RUFY2: variants seen among roughly 807,000 people sequenced by gnomAD.
RUFY2 encodes the protein RUN and FYVE domain containing 2.
A neutral mutation model predicts 94.4 loss-of-function variants in RUFY2; 49 were observed. That is an observed-to-expected ratio of 0.52 (90% CI 0.41 to 0.66). The LOEUF is 0.66. RUFY2 is among the 30% of genes least tolerant of loss of function. The pLI, the probability that RUFY2 is intolerant of heterozygous loss-of-function variation, is 0.00. For synonymous variants in RUFY2, 255 were observed against 235.7 expected, an observed-to-expected ratio of 1.08 and a Z score of -0.75; for missense variants, 541 against 692.8, an observed-to-expected ratio of 0.78 and a Z score of 2.46.
chr10:68,373,726 G>A (rs1171201109), intron 13 of RUFY2, among the ~76,000 whole-genome samples: 3 of 152,080 alleles, frequency 2.0e-5, no homozygotes, highest in Non-Finnish European at 4.4e-5. Flanking sequence ...GAGCTATAAT[G>A]GCACCACTAT....
chr10:68,351,393 C>A (rs1481310151), intron 16 of RUFY2, among the ~76,000 whole-genome samples: 2 of 151,472 alleles, frequency 1.3e-5, no homozygotes, highest in African/African-American at 4.9e-5. Flanking sequence ...GCCTTGGCCT[C>A]CCAAAGTGCT....
intron 15 of RUFY2, 61 bp downstream of exon 15, chr10:68,363,529 A>T (rs1203505589): frequency 1.9e-5 from 21 of 1,101,968 alleles, no homozygotes; most frequent in Non-Finnish European, 1.9e-5. Context: ...TAGATTTGGC[A>T]CACTTATACC....
chr10:68,357,957 G>A (rs963625307), intron 15 of RUFY2, among the ~76,000 whole-genome samples: 3 of 152,128 alleles, frequency 2.0e-5, no homozygotes, highest in Admixed American at 1.3e-4. Flanking sequence ...GGAGGCTGAG[G>A]TGGGGAGATC....
chr10:68,345,042 A>C lies in RUFY2; in HGVS notation c.*726T>G, dbSNP rs1177364. The C allele has an allele frequency of 6.6e-6, 1 of 152,124 alleles. No homozygotes were observed. The highest frequency in any genetic ancestry group is 2.4e-5 in the African/African-American group (1 of 41,414). 9.4% of individuals were successfully genotyped at this position (152,124 alleles called of 1,614,324 possible). A position where few individuals can be genotyped will look rare whatever the true frequency, so the allele number is the denominator to read the frequency against. ...CACCCCTTAAAAAAACAGCAATTTA[A>C]TGAAACAGCATATGGGAAGATTTAT... On this transcript the variant is annotated 3_prime_UTR_variant, in exon 18 of 18. Coordinates refer to ENST00000602465, the MANE Select transcript of RUFY2 (RefSeq NM_001330103.2).
chr10:68,376,808 G>A, intron 13 of RUFY2, 45 bp downstream of exon 13: 2 of 1,550,298 alleles, frequency 1.3e-6, no homozygotes, highest in Non-Finnish European at 1.8e-6. Context: ...AAAATGAGGG[G>A]GTTATGTTAA....
In RUFY2 at chr10:68,355,490, G is replaced by C. The variant is rs1188170372; in HGVS notation, c.1551-89C>G. 3.9e-6 allele frequency: 3 copies of C among 767,124 alleles called. No individual in the cohort carries two copies. The East Asian group carries it at 8.2e-5, about 21-fold the overall frequency. 47.5% of individuals were successfully genotyped at this position (767,124 alleles called of 1,614,324 possible). Reference sequence around the variant, plus strand: ...TTCAGTAGGTATTGGTATTTCATAGGATATAAAATTATGTATAGTATATGA... The same window carrying C: ...TTCAGTAGGTATTGGTATTTCATAGCATATAAAATTATGTATAGTATATGA... On this transcript the variant is annotated intron_variant, in intron 15 of 17. Coordinates refer to ENST00000602465, the MANE Select transcript of RUFY2 (RefSeq NM_001330103.2).
chr10:68,345,694 C>T lies in RUFY2; in HGVS notation c.*74G>A. ...CCGAAAGCCGCTTAAGGAGAGCTGT[C>T]TGGTTACCTTTGTATACAACATCAT... On this transcript the variant is annotated 3_prime_UTR_variant, in exon 18 of 18. Transcript: ENST00000602465. 7.1e-7 allele frequency: 1 copy of T among 1,400,136 alleles called. No individual in the cohort carries two copies. The highest frequency in any genetic ancestry group is 9.8e-7 in the Non-Finnish European group (1 of 1,016,926). The allele number at this position is 1,400,136 out of a possible 1,614,324, so 86.7% of individuals were successfully genotyped here. A position where few individuals can be genotyped will look rare whatever the true frequency, so the allele number is the denominator to read the frequency against.
chr10:68,394,020 T>C (rs1454233293), intron 6 of RUFY2, 55 bp downstream of exon 6: 1 of 1,471,604 alleles, frequency 6.8e-7, no homozygotes, highest in East Asian at 2.6e-5. Flanking sequence ...TTATAATGAT[T>C]TGTAAAGAGC....
chr10:68,342,019 G>A (rs777967068), downstream of RUFY2: 33 of 1,613,862 alleles, frequency 2.0e-5, no homozygotes, highest in Middle Eastern at 1.7e-4. Context: ...TGGGCAAGGC[G>A]GCATGAGTGG....
At chr10:68,397,995 T>C (rs2050520940) in intron 3 of RUFY2, among the ~76,000 whole-genome samples, 1 of 150,946 alleles carries the variant, frequency 6.6e-6, no homozygotes, top group Non-Finnish European at 1.5e-5. Context: ...GGCTTGGTGG[T>C]GGGTGTCTGT....
intron 10 of RUFY2, among the ~76,000 whole-genome samples, chr10:68,382,745 T>G (rs969821218): frequency 2.6e-5 from 4 of 151,248 alleles, no homozygotes; most frequent in Non-Finnish European, 5.9e-5. Flanking sequence ...AAAAAGAAAT[T>G]TATTAGCATT....
chr10:68,345,537 TTTTA>T lies in RUFY2; in HGVS notation c.*227_*230del, dbSNP rs1263606056. 2.5e-5 allele frequency: 12 copies of T among 479,490 alleles called. No homozygotes were observed. The highest frequency in any genetic ancestry group is 3.6e-5 in the Non-Finnish European group (10 of 274,392). 29.7% of individuals were successfully genotyped at this position (479,490 alleles called of 1,614,324 possible). ...GTTGTGTTAGCTCTGCTCTCTGGCCTTTTAATGAGTTACATGATTTTTAAGCATG... is the reference window on the plus strand; with the variant it reads ...GTTGTGTTAGCTCTGCTCTCTGGCCTATGAGTTACATGATTTTTAAGCATG... On this transcript the variant is annotated 3_prime_UTR_variant, in exon 18 of 18. Coordinates refer to ENST00000602465, the MANE Select transcript of RUFY2 (RefSeq NM_001330103.2).
intron 3 of RUFY2, among the ~76,000 whole-genome samples, chr10:68,398,033 AG>A (rs1330687138): frequency 6.7e-6 from 1 of 150,312 alleles, no homozygotes; most frequent in Non-Finnish European, 1.5e-5. Context: ...AGGCTGAGGC[AG>A]GAGAATCACT....
chr10:68,394,822 G>A (rs1171440598), intron 4 of RUFY2, among the ~76,000 whole-genome samples: 1 of 151,318 alleles, frequency 6.6e-6, no homozygotes, highest in African/African-American at 2.4e-5. Flanking sequence ...GTAGAGACGG[G>A]GTTTCACCGT....
At chr10:68,371,436 A>T (rs1281083389) in intron 13 of RUFY2, among the ~76,000 whole-genome samples, 1 of 151,294 alleles carries the variant, frequency 6.6e-6, no homozygotes, top group Non-Finnish European at 1.5e-5. Context: ...AAAAAAAAAT[A>T]CAAAAATTAG....
intron 16 of RUFY2, among the ~76,000 whole-genome samples, chr10:68,353,882 C>T (rs571368391): frequency 7.3e-4 from 111 of 151,974 alleles, no homozygotes; most frequent in African/African-American, 2.4e-3. Flanking sequence ...CTTGATTATA[C>T]TGGGAGACCA....
At chr10:68,341,129 T>G, downstream of RUFY2, 1 of 1,383,512 alleles carries the variant, frequency 7.2e-7, no homozygotes, top group Non-Finnish European at 9.8e-7. Context: ...TAATTTACTT[T>G]AATATTCTCA....
chr10:68,375,360 G>A (rs1259952836), intron 13 of RUFY2, among the ~76,000 whole-genome samples: 1 of 151,680 alleles, frequency 6.6e-6, no homozygotes, highest in Non-Finnish European at 1.5e-5. Context: ...TAACTATTGG[G>A]TACTGGGCTT....
intron 13 of RUFY2, among the ~76,000 whole-genome samples, chr10:68,366,316 C>G (rs1241307938): frequency 8.8e-5 from 5 of 56,512 alleles, no homozygotes; most frequent in Non-Finnish European, 1.6e-4. Flanking sequence ...GGTGACTGAG[C>G]AAGAACTCCA....
Sources: allele counts gnomAD v4.1 joint callset (sites outside exome capture counted in the v4.1 genomes callset), GRCh38; gene constraint gnomAD v4.1.1; transcripts MANE v1.5; gene names NCBI Gene and HGNC (gene_info 2026-07-23, HGNC 2026-07-21).